IHO1: variants seen among roughly 807,000 people sequenced by gnomAD.
IHO1 encodes interactor of HORMAD1 protein 1.
A neutral mutation model predicts 31.0 loss-of-function variants in IHO1; 13 were observed. The observed-to-expected ratio is 0.42, with a 90% CI of 0.27 to 0.67. The LOEUF (loss-of-function observed/expected upper bound fraction) is 0.67. IHO1 is among the 30% of genes least tolerant of loss of function. The pLI is 0.24. For missense variants in IHO1, 599 were observed against 687.5 expected (o/e 0.87, Z 1.44); for synonymous variants, 221 against 248.4 (o/e 0.89, Z 1.04).
At chr3:49,201,285 A>G (rs13091206) in intron 1 of IHO1, among the ~76,000 whole-genome samples, 128,964 of 151,360 alleles carry the variant, frequency 0.85, 55,533 homozygotes, top group East Asian at 1. Flanking sequence ...GAACCACCGC[A>G]CCCGGCCATT....
intron 2 of IHO1, among the ~76,000 whole-genome samples, chr3:49,225,052 G>A (rs938166802): frequency 1.3e-5 from 2 of 152,238 alleles, no homozygotes; most frequent in Non-Finnish European, 2.9e-5. Context: ...CGTAAACAGT[G>A]AGGCCAGCCT....
At chr3:49,255,553 A>T in intron 7 of IHO1, 60 bp downstream of exon 7, 6 of 860,150 alleles carry the variant, frequency 7.0e-6, no homozygotes, top group Non-Finnish European at 1.0e-5. Context: ...AGACCCAGAG[A>T]GAAACTTTTT....
At position 49,255,373 on chromosome 3, in the gene IHO1, C is replaced by CA; in HGVS notation, c.533-16dup. ...ACATAGTCTTCAGGAGGTGAACTGT[C>CA]ACTGTTTTGTATTTAGTACAAGAGA... On this transcript the variant is annotated splice_polypyrimidine_tract_variant and intron_variant, in intron 6 of 7. Coordinates refer to ENST00000452691, the MANE Select transcript of IHO1 (RefSeq NM_001135197.2). 1 of 1,550,866 alleles carries CA rather than the reference C, an allele frequency of 6.4e-7. No individual in the cohort carries two copies. The highest frequency in any genetic ancestry group is 1.2e-5 in the South Asian group (1 of 84,614).
intron 6 of IHO1, among the ~76,000 whole-genome samples, chr3:49,248,685 C>T (rs914147313): frequency 3.3e-5 from 5 of 152,110 alleles, no homozygotes; most frequent in Non-Finnish European, 7.4e-5. Context: ...TGAGATTGCG[C>T]CATAGCACTC....
Position 49,257,328 on chromosome 3 carries a change from C to A in IHO1, c.*46C>A, listed in dbSNP as rs978106195. On this transcript the variant is annotated 3_prime_UTR_variant, in exon 8 of 8. Coordinates refer to ENST00000452691, the MANE Select transcript of IHO1 (RefSeq NM_001135197.2). The stretch of plus-strand genomic sequence containing the variant: ...TGGTCTCAGCTAGAAAGAGAAATTG[C>A]AGGACATTTGGGCTGGCCAACAGCA... The A allele has an allele frequency of 6.4e-7, 1 of 1,562,632 alleles. No homozygotes were observed. Among genetic ancestry groups the A allele is most frequent in the Admixed American group, 1.8e-5 (1 of 56,944 alleles).
At chr3:49,195,368 G>A (rs1453947321), upstream of IHO1, among the ~76,000 whole-genome samples, 1 of 151,030 alleles carries the variant, frequency 6.6e-6, no homozygotes, top group African/African-American at 2.4e-5. Context: ...GTTGCAGTGA[G>A]TTGAGATCAC....
upstream of IHO1, chr3:49,198,628 C>T (rs1397921384): frequency 6.6e-6 from 1 of 152,266 alleles, no homozygotes; most frequent in Admixed American, 6.5e-5. Context: ...TCAAACGATC[C>T]TCCCGCCTCA....
At chr3:49,240,449 C>CCTGAT (rs1196983541) in intron 3 of IHO1, among the ~76,000 whole-genome samples, 1 of 152,168 alleles carries the variant, frequency 6.6e-6, no homozygotes, top group Non-Finnish European at 1.5e-5. Flanking sequence ...GTCTCAAACT[C>CCTGAT]CTGACCTCAG....
At chr3:49,252,112 T>C (rs908632942) in intron 6 of IHO1, 1 of 153,388 alleles carries the variant, frequency 6.5e-6, no homozygotes, top group African/African-American at 2.4e-5. Flanking sequence ...ATTACAGGCG[T>C]GAGCCACCAC....
At chr3:49,254,066 T>G (rs1486056306) in intron 6 of IHO1, among the ~76,000 whole-genome samples, 1 of 152,078 alleles carries the variant, frequency 6.6e-6, no homozygotes, top group Non-Finnish European at 1.5e-5. Flanking sequence ...ACTCCTGACC[T>G]CAGGTGATCT....
At chr3:49,245,122 C>T (rs1281627733) in intron 6 of IHO1, 4 of 422,538 alleles carry the variant, frequency 9.5e-6, no homozygotes, top group Middle Eastern at 6.2e-4. Context: ...TACTGTAGTA[C>T]CTGCTGCTCT....
At chr3:49,228,358 CT>C in intron 2 of IHO1, 1 of 448,056 alleles carries the variant, frequency 2.2e-6, no homozygotes, top group East Asian at 7.1e-5. Context: ...TTAGAGAGCC[CT>C]TTCCTAGAAA....
intron 1 of IHO1, among the ~76,000 whole-genome samples, chr3:49,204,776 G>A (rs1167474123): frequency 3.3e-5 from 5 of 152,180 alleles, no homozygotes; most frequent in Admixed American, 6.5e-5. Flanking sequence ...TGTAATCCCA[G>A]CACTTTGGGA....
intron 2 of IHO1, among the ~76,000 whole-genome samples, chr3:49,229,290 C>T (rs147413976): frequency 6.6e-6 from 1 of 152,338 alleles, no homozygotes; most frequent in East Asian, 1.9e-4. Flanking sequence ...GAGCCTTCTG[C>T]CTGGGGAAAC....
chr3:49,192,308 A>G, the IHO1 span, among the ~76,000 whole-genome samples: 1 of 152,220 alleles, frequency 6.6e-6, no homozygotes, highest in African/African-American at 2.4e-5. Flanking sequence ...GGCCAAGTAA[A>G]GGAATAGGGC....
chr3:49,213,470 C>A (rs1011273660), intron 2 of IHO1, among the ~76,000 whole-genome samples: 1 of 152,266 alleles, frequency 6.6e-6, no homozygotes, highest in Non-Finnish European at 1.5e-5. Flanking sequence ...GCCCAGCTGG[C>A]TTCACCTAGT....
intron 3 of IHO1, among the ~76,000 whole-genome samples, chr3:49,237,607 T>C (rs947275944): frequency 3.3e-5 from 5 of 151,748 alleles, no homozygotes; most frequent in Non-Finnish European, 7.4e-5. Flanking sequence ...CAAATATATA[T>C]ACATATATAT....
intron 2 of IHO1, among the ~76,000 whole-genome samples, chr3:49,213,189 A>G: frequency 6.6e-6 from 1 of 152,184 alleles, no homozygotes; most frequent in Non-Finnish European, 1.5e-5. Flanking sequence ...TTAGCTAGAC[A>G]TAAAGGTTCT....
intron 2 of IHO1, 146 bp downstream of exon 2, chr3:49,211,982 G>A (rs2046223650): frequency 4.1e-6 from 2 of 482,884 alleles, no homozygotes; most frequent in Non-Finnish European, 7.7e-6. Flanking sequence ...CTAACACGGT[G>A]AAACCCCGTC....
Sources: allele counts gnomAD v4.1 joint callset (sites outside exome capture counted in the v4.1 genomes callset), GRCh38; gene constraint gnomAD v4.1.1; transcripts MANE v1.5; gene names NCBI Gene and HGNC (gene_info 2026-07-23, HGNC 2026-07-21).